MYO7A: variants seen among roughly 807,000 people sequenced by gnomAD.
The protein encoded by MYO7A is unconventional myosin-VIIa.
In MYO7A, 210 loss-of-function variants were observed where a neutral mutation model predicts 263.8. The ratio of observed to expected loss-of-function variants is 0.80; its 90% confidence interval spans 0.71 to 0.89. MYO7A has a LOEUF of 0.89. Ranked by LOEUF, MYO7A falls within the 40% of genes least tolerant of loss-of-function variation. The pLI is 0.00. For synonymous variants in MYO7A, 1,239 were observed against 1,197.3 expected (o/e 1.03, Z -0.72); for missense variants, 2,820 against 2,968.3 (o/e 0.95, Z 1.16).
chr11:77,168,032 G>A (rs574365001), intron 15 of MYO7A, among the ~76,000 whole-genome samples: 8 of 152,230 alleles, frequency 5.3e-5, no homozygotes, highest in South Asian at 4.2e-4. Flanking sequence ...CTGCTGAGAC[G>A]GGCGTAGCTC....
intron 7 of MYO7A, 110 bp downstream of exon 7, chr11:77,157,114 AT>A: frequency 6.7e-7 from 1 of 1,483,194 alleles, no homozygotes; most frequent in East Asian, 2.3e-5. Flanking sequence ...ACCTGCCCGT[AT>A]TGCTGCCTGC....
At chr11:77,206,002 G>T in intron 40 of MYO7A, 95 bp from the exon 41 acceptor site, 1 of 944,064 alleles carries the variant, frequency 1.1e-6, no homozygotes. Flanking sequence ...GGCAGGCGGG[G>T]ATCAGAACTG....
chr11:77,167,109 C>T (rs1019547125), intron 15 of MYO7A, among the ~76,000 whole-genome samples: 1 of 151,960 alleles, frequency 6.6e-6, no homozygotes, highest in Non-Finnish European at 1.5e-5. Flanking sequence ...GCTTTTTCTC[C>T]TTTTTTTTGG....
Position 77,194,504 on chromosome 11 carries a change from G to T in MYO7A, c.4303G>T (p.Ala1435Ser), listed in dbSNP as rs1336076551. 1.9e-6 allele frequency: 3 copies of T among 1,602,644 alleles called. No homozygotes were observed. The highest frequency in any genetic ancestry group is 4.5e-5 in the East Asian group (2 of 44,358). The change falls in exon 32 of 49, where the codon GCC (alanine) becomes TCC (serine). Residue 1435 changes from alanine (A) to serine (S), a missense_variant. Ala to Ser is a moderately conservative substitution (Grantham distance 99). Coordinates refer to ENST00000409709, the MANE Select transcript of MYO7A (RefSeq NM_000260.4). ...GACGCTGGAGAAGTGGGCCCAGCTG[G>T]CCATCGCCGCCCACAAGAAGGTAGA... is the stretch of plus-strand genomic sequence containing the variant. Reference protein sequence around the residue: ...LKTLEKWAQLAIAAHKKGIYA... With the variant: ...LKTLEKWAQLSIAAHKKGIYA...
chr11:77,155,869 A>G (rs371847974), intron 4 of MYO7A, 38 bp from the exon 5 acceptor site: 34 of 1,527,266 alleles, frequency 2.2e-5, no homozygotes, highest in African/African-American at 6.8e-5. Flanking sequence ...AGTCTCCCAC[A>G]TGGAATCAGC....
At chr11:77,143,832 C>G (rs1951378138) in intron 3 of MYO7A, among the ~76,000 whole-genome samples, 1 of 152,144 alleles carries the variant, frequency 6.6e-6, no homozygotes, top group Non-Finnish European at 1.5e-5. Context: ...TGAGGCTCTG[C>G]TGGGGACGAC....
intron 27 of MYO7A, 117 bp from the exon 28 acceptor site, chr11:77,189,227 G>A (rs992432386): frequency 6.1e-5 from 89 of 1,459,388 alleles, no homozygotes; most frequent in Admixed American, 8.0e-5. Context: ...CTCCCGGGTG[G>A]TCTTGGCAAG....
At chr11:77,152,496 C>T (rs1952058182) in intron 4 of MYO7A, among the ~76,000 whole-genome samples, 1 of 152,240 alleles carries the variant, frequency 6.6e-6, no homozygotes, top group Admixed American at 6.5e-5. Context: ...TCTCCCTCCT[C>T]CCACCCCACG....
intron 14 of MYO7A, among the ~76,000 whole-genome samples, chr11:77,165,201 G>A (rs555594938): frequency 6.6e-6 from 1 of 152,284 alleles, no homozygotes; most frequent in East Asian, 1.9e-4. Context: ...GGTGCCAGGC[G>A]GGCAGCCTAG....
intron 4 of MYO7A, among the ~76,000 whole-genome samples, chr11:77,152,068 G>A (rs1952015830): frequency 6.6e-6 from 1 of 152,252 alleles, no homozygotes; most frequent in South Asian, 2.1e-4. Flanking sequence ...TAAAAGGGGT[G>A]ATGGGGTGGG....
chr11:77,188,488 C>G (rs1555089594), intron 27 of MYO7A, among the ~76,000 whole-genome samples: 1 of 151,976 alleles, frequency 6.6e-6, no homozygotes, highest in Non-Finnish European at 1.5e-5. Context: ...ATTAGGTAAT[C>G]CCAGCCATCC....
At chr11:77,193,080 T>TTGTTTGTGATGGTGGAGGTAGTGATGG (rs1956300452) in intron 31 of MYO7A, among the ~76,000 whole-genome samples, 1 of 44,648 alleles carries the variant, frequency 2.2e-5, no homozygotes, top group African/African-American at 1.9e-4. Context: ...GTGGAGGTAG[T>TTGTTTGTGATGGTGGAGGTAGTGATGG]TGTTTGTGAT....
rs1955325703 is a variant in MYO7A, at chr11:77,182,500, G to A, written c.3185G>A (p.Ser1062Asn). 1.9e-6 allele frequency: 3 copies of A among 1,611,864 alleles called. No individual in the cohort carries two copies. Among genetic ancestry groups the A allele is most frequent in the African/African-American group, 1.4e-5 (1 of 73,548 alleles). Residue 1062 changes from serine (S) to asparagine (N), a missense_variant, in exon 25 of 49, where the codon AGT becomes AAT. Physicochemically the swap from Ser to Asn is conservative, Grantham distance 46 (BLOSUM62 1). Coordinates refer to ENST00000409709, the MANE Select transcript of MYO7A (RefSeq NM_000260.4). The stretch of plus-strand genomic sequence containing the variant: ...GAGCCCAAGTACCACACAGCCATGA[G>A]TGATGGCAGTGAGAAGATCCCTGTG... Reference protein sequence around the residue: ...LPEPKYHTAMSDGSEKIPVMT... With the variant: ...LPEPKYHTAMNDGSEKIPVMT...
intron 16 of MYO7A, among the ~76,000 whole-genome samples, chr11:77,174,205 C>T: frequency 6.6e-6 from 1 of 152,154 alleles, no homozygotes; most frequent in East Asian, 1.9e-4. Flanking sequence ...CCAACCAAAC[C>T]CCAGGGCCCT....
Position 77,198,641 on chromosome 11 carries a change from G to A in MYO7A, c.4568+20G>A. On this transcript the variant is annotated intron_variant, in intron 34 of 48. Transcript: ENST00000409709. ...CAGCAGGTGAGGAGGCCCGCATGGA[G>A]ATGCAGACAGACAGAGGGGAAGGAG... The A allele has an allele frequency of 8.1e-6, 13 of 1,613,214 alleles. No homozygotes were observed. The highest frequency in any genetic ancestry group is 1.1e-5 in the Non-Finnish European group (13 of 1,179,668).
intron 4 of MYO7A, among the ~76,000 whole-genome samples, chr11:77,150,405 T>C (rs1297045301): frequency 6.6e-6 from 1 of 152,082 alleles, no homozygotes; most frequent in African/African-American, 2.4e-5. Context: ...ACAGTGAATC[T>C]TGTTTGTAAA....
At chr11:77,153,878 G>T (rs2135790048) in intron 4 of MYO7A, among the ~76,000 whole-genome samples, 1 of 152,362 alleles carries the variant, frequency 6.6e-6, no homozygotes, top group South Asian at 2.1e-4. Flanking sequence ...TCTCAGTAAA[G>T]GGTTGTTGAA....
At chr11:77,176,578 T>C (rs1310982118) in intron 18 of MYO7A, among the ~76,000 whole-genome samples, 2 of 152,216 alleles carry the variant, frequency 1.3e-5, no homozygotes, top group Non-Finnish European at 2.9e-5. Flanking sequence ...GGAATCATGA[T>C]GGCATCTAGT....
At chr11:77,171,551 G>A (rs1954097388) in intron 15 of MYO7A, among the ~76,000 whole-genome samples, 2 of 152,110 alleles carry the variant, frequency 1.3e-5, no homozygotes, top group Admixed American at 1.3e-4. Flanking sequence ...TCACAGTCTG[G>A]TGGCATAGTA....
Sources: allele counts gnomAD v4.1 joint callset (sites outside exome capture counted in the v4.1 genomes callset), GRCh38; gene constraint gnomAD v4.1.1; transcripts MANE v1.5; gene names NCBI Gene and HGNC (gene_info 2026-07-23, HGNC 2026-07-21).